Variants in DSC2 observed in about 807,000 individuals in gnomAD.
DSC2 encodes desmocollin 2, also known as desmocollin-2.
Under a neutral mutation model 87.6 loss-of-function variants are expected in DSC2, and 51 were observed. The observed-to-expected ratio is 0.58, with a 90% CI of 0.46 to 0.74. The LOEUF is 0.74. DSC2 is among the 30% of genes least tolerant of loss of function. The probability of loss-of-function intolerance (pLI) is 0.00; values close to 1 mark genes in which losing one functional copy is unlikely to be tolerated. For missense variants in DSC2, 1,066 were observed against 1,089.5 expected (o/e 0.98, Z 0.30); for synonymous variants, 383 against 393.2 (o/e 0.97, Z 0.31).
Position 31,060,040 on chromosome 18 carries a change from T to C in DSC2, c.*7975A>G, listed in dbSNP as rs921741734. ...CAAAGCTGAGATTTGGATCCACGTCTTTCTGACTGCGAAGTCTGTGTGTGA... is the reference window on the plus strand; with the variant it reads ...CAAAGCTGAGATTTGGATCCACGTCCTTCTGACTGCGAAGTCTGTGTGTGA... On this transcript the variant is annotated 3_prime_UTR_variant, in exon 16 of 16. Transcript: ENST00000280904. 6.6e-6 allele frequency: 1 copy of C among 152,170 alleles called. No homozygotes were observed. Among genetic ancestry groups the C allele is most frequent in the Admixed American group, 6.6e-5 (1 of 15,258 alleles). The allele number at this position is 152,170 out of a possible 1,614,324, so 9.4% of individuals were successfully genotyped here.
At chr18:31,080,015 A>G (rs940735432) in intron 10 of DSC2, 26 bp from the exon 11 acceptor site, 9 of 1,610,874 alleles carry the variant, frequency 5.6e-6, no homozygotes, top group Non-Finnish European at 5.9e-6. Context: ...AATTAAAATA[A>G]TAAAATTTAT....
intron 7 of DSC2, among the ~76,000 whole-genome samples, chr18:31,084,383 A>G (rs2144824833): frequency 6.6e-6 from 1 of 152,280 alleles, no homozygotes; most frequent in Non-Finnish European, 1.5e-5. Context: ...ATTGGAAATA[A>G]TTAACTGGCT....
chr18:31,082,547 C>CACTATACA (rs1318985942), intron 8 of DSC2, 124 bp from the exon 9 acceptor site: 2 of 883,414 alleles, frequency 2.3e-6, no homozygotes, highest in East Asian at 5.2e-5. Context: ...GAAACCCTAG[C>CACTATACA]ACTATACAAC....
intron 1 of DSC2, among the ~76,000 whole-genome samples, chr18:31,094,158 G>T (rs1002409861): frequency 6.6e-6 from 1 of 152,148 alleles, no homozygotes; most frequent in Non-Finnish European, 1.5e-5. Context: ...GGCAGCACAG[G>T]TATATACATA....
chr18:31,082,468 C>T (rs776278136), intron 8 of DSC2, 45 bp from the exon 9 acceptor site: 6 of 1,545,412 alleles, frequency 3.9e-6, no homozygotes, highest in Non-Finnish European at 5.3e-6. Flanking sequence ...GTAACTCTCA[C>T]AAAAATTGAA....
At position 31,073,292 on chromosome 18, in the gene DSC2, T is replaced by C. The variant is rs564517603; in HGVS notation, c.1888+1391A>G. On this transcript the variant is annotated intron_variant, in intron 12 of 15. Transcript: ENST00000280904. The stretch of plus-strand genomic sequence containing the variant: ...AATTAATATCATGACACCAAATAAG[T>C]AGAAAAGAAAAAAATCTAAGAATAA... Among the ~76,000 whole-genome samples the C allele has an allele frequency of 1.1e-4, 17 of 151,378 alleles. No homozygotes were observed. The South Asian group carries it at 2.9e-3, about 26-fold the overall frequency.
chr18:31,090,466 T>TA (rs1987554329), intron 4 of DSC2, among the ~76,000 whole-genome samples: 1 of 152,130 alleles, frequency 6.6e-6, no homozygotes, highest in Admixed American at 6.5e-5. Context: ...CTCATGCCTG[T>TA]AATCCCAGCA....
chr18:31,071,181 T>C lies in DSC2; in HGVS notation c.2126-331A>G, dbSNP rs186059760. On this transcript the variant is annotated intron_variant, in intron 13 of 15. Coordinates refer to ENST00000280904, the MANE Select transcript of DSC2 (RefSeq NM_024422.6). Reference sequence around the variant, plus strand: ...ACTTAAAATATGTAAATTAAATATATTTATATATTAAATAAAAATACAGCT... The same window carrying C: ...ACTTAAAATATGTAAATTAAATATACTTATATATTAAATAAAAATACAGCT... Among the ~76,000 whole-genome samples the C allele has an allele frequency of 9.5e-4, 144 of 151,914 alleles. 1 individual carries two copies. In the Middle Eastern group the frequency reaches 0.01, roughly 11 times the overall value.
At chr18:31,100,882 C>G (rs201399183) in intron 1 of DSC2, among the ~76,000 whole-genome samples, 1 of 152,042 alleles carries the variant, frequency 6.6e-6, no homozygotes, top group South Asian at 2.1e-4. Context: ...TTTTTATATC[C>G]CCAATTCCCC....
At chr18:31,071,928 T>C (rs1986851525) in intron 12 of DSC2, 87 bp from the exon 13 acceptor site, 3 of 1,222,770 alleles carry the variant, frequency 2.5e-6, no homozygotes, top group Admixed American at 3.6e-5. Context: ...GATAGTTATA[T>C]TTTCCTAGAA....
intron 7 of DSC2, among the ~76,000 whole-genome samples, chr18:31,085,285 G>C (rs1987359164): frequency 6.6e-6 from 1 of 151,896 alleles, no homozygotes; most frequent in Non-Finnish European, 1.5e-5. Context: ...GAATCCACCT[G>C]TCTTAAGCAA....
intron 9 of DSC2, among the ~76,000 whole-genome samples, chr18:31,081,444 G>A (rs1987216081): frequency 6.6e-6 from 1 of 152,134 alleles, no homozygotes; most frequent in Non-Finnish European, 1.5e-5. Flanking sequence ...CAAGGATTAG[G>A]GGAGGGGTTA....
At chr18:31,083,517 T>A (rs1987301406) in intron 7 of DSC2, among the ~76,000 whole-genome samples, 1 of 151,780 alleles carries the variant, frequency 6.6e-6, no homozygotes, top group Non-Finnish European at 1.5e-5. Flanking sequence ...AATCAAAACC[T>A]TTATCTCCTA....
Position 31,067,688 on chromosome 18 carries a change from A to G in DSC2, c.*327T>C. ...TTAGGTTGTGCTTCAAATAGTCTATAATAAGGACTTGAATTAATTACATTT... is the reference window on the plus strand; with the variant it reads ...TTAGGTTGTGCTTCAAATAGTCTATGATAAGGACTTGAATTAATTACATTT... On this transcript the variant is annotated 3_prime_UTR_variant, in exon 16 of 16. Transcript: ENST00000280904. 3.4e-6 allele frequency: 1 copy of G among 295,342 alleles called. No individual in the cohort carries two copies. Among genetic ancestry groups the G allele is most frequent in the South Asian group, 3.6e-5 (1 of 28,066 alleles). The allele number at this position is 295,342 out of a possible 1,614,324, so 18.3% of individuals were successfully genotyped here.
intron 8 of DSC2, among the ~76,000 whole-genome samples, 180 bp downstream of exon 8, chr18:31,082,746 C>T (rs753160973): frequency 5.3e-5 from 8 of 152,066 alleles, no homozygotes; most frequent in Non-Finnish European, 8.8e-5. Flanking sequence ...TCTGTAGAGA[C>T]GGGATTTCAC....
At position 31,064,625 on chromosome 18, in the gene DSC2, G is replaced by A. The variant is rs1986570507; in HGVS notation, c.*3390C>T. On this transcript the variant is annotated 3_prime_UTR_variant, in exon 16 of 16. Coordinates refer to ENST00000280904, the MANE Select transcript of DSC2 (RefSeq NM_024422.6). ...GTAGTATGTGTTTGTCTTTTTGCAT[G>A]AGTTTGAAGTGCTAGGTTAACAGGG... The A allele has an allele frequency of 6.6e-6, 1 of 152,150 alleles. No homozygotes were observed. Among genetic ancestry groups the A allele is most frequent in the African/African-American group, 2.4e-5 (1 of 41,444 alleles). The allele number at this position is 152,150 out of a possible 1,614,324, so 9.4% of individuals were successfully genotyped here. A position where few individuals can be genotyped will look rare whatever the true frequency, so the allele number is the denominator to read the frequency against.
Position 31,063,385 on chromosome 18 carries a change from AC to A in DSC2, c.*4629del, listed in dbSNP as rs1362686427. On this transcript the variant is annotated 3_prime_UTR_variant, in exon 16 of 16. Coordinates refer to ENST00000280904, the MANE Select transcript of DSC2 (RefSeq NM_024422.6). Reference sequence around the variant, plus strand: ...GAGTTGTATAGGCATGCAATTGTGAACACCTTTCTTGGTCCTTAGTGTCCTA... The same window carrying A: ...GAGTTGTATAGGCATGCAATTGTGAAACCTTTCTTGGTCCTTAGTGTCCTA... The A allele has an allele frequency of 1.3e-5, 2 of 152,056 alleles. No homozygotes were observed. The highest frequency in any genetic ancestry group is 2.4e-5 in the African/African-American group (1 of 41,396). 9.4% of individuals were successfully genotyped at this position (152,056 alleles called of 1,614,324 possible). A position where few individuals can be genotyped will look rare whatever the true frequency, so the allele number is the denominator to read the frequency against.
In DSC2 at chr18:31,062,338, A is replaced by G. The variant is rs185078168; in HGVS notation, c.*5677T>C. The stretch of plus-strand genomic sequence containing the variant: ...CAAACTCATAAGAATCATTTCTTGA[A>G]TTTCTAAACATAAGTGGTTTTTAGT... On this transcript the variant is annotated 3_prime_UTR_variant, in exon 16 of 16. Transcript: ENST00000280904. 6.6e-6 allele frequency: 1 copy of G among 152,202 alleles called. No homozygotes were observed. The highest frequency in any genetic ancestry group is 6.5e-5 in the Admixed American group (1 of 15,278). The allele number at this position is 152,202 out of a possible 1,614,324, so 9.4% of individuals were successfully genotyped here.
intron 1 of DSC2, chr18:31,101,540 G>A (rs1987953843): frequency 4.2e-6 from 1 of 238,466 alleles, no homozygotes; most frequent in South Asian, 8.1e-5. Context: ...CCGCCCCGGC[G>A]CACTCCCGCC....
Sources: allele counts gnomAD v4.1 joint callset (sites outside exome capture counted in the v4.1 genomes callset), GRCh38; gene constraint gnomAD v4.1.1; transcripts MANE v1.5; gene names NCBI Gene and HGNC (gene_info 2026-07-23, HGNC 2026-07-21).